The following DNAJC3 variants were observed in gnomAD, a reference collection of about 807,000 sequenced individuals.
DNAJC3 encodes the protein DnaJ heat shock protein family (Hsp40) member C3.
Under a neutral mutation model 68.6 loss-of-function variants are expected in DNAJC3, and 38 were observed. That is an observed-to-expected ratio of 0.55 (90% CI 0.43 to 0.73). The LOEUF is 0.73. Ranked by LOEUF, DNAJC3 falls within the 30% of genes least tolerant of loss-of-function variation. The pLI is 0.00. For missense variants in DNAJC3, 526 were observed against 591.9 expected, an observed-to-expected ratio of 0.89 and a Z score of 1.16; for synonymous variants, 203 against 204.0, an observed-to-expected ratio of 1.00 and a Z score of 0.04.
At chr13:95,698,730 G>A (rs538821693) in intron 1 of DNAJC3, among the ~76,000 whole-genome samples, 1 of 152,308 alleles carries the variant, frequency 6.6e-6, no homozygotes, top group Non-Finnish European at 1.5e-5. Flanking sequence ...TTCTCTGGTG[G>A]GCAAGTGTGG....
chr13:95,686,669 GATCA>G, intron 1 of DNAJC3, among the ~76,000 whole-genome samples: 1 of 152,302 alleles, frequency 6.6e-6, no homozygotes, highest in Admixed American at 6.5e-5. Flanking sequence ...CTTTGTCAAA[GATCA>G]ATCTGTTGGA....
Position 95,723,275 on chromosome 13 carries a change from G to T in DNAJC3, c.227G>T (p.Arg76Leu). 1 of 1,609,520 alleles carries T rather than the reference G, an allele frequency of 6.2e-7. No homozygotes were observed. Among genetic ancestry groups the T allele is most frequent in the Non-Finnish European group, 8.5e-7 (1 of 1,176,762 alleles). The change falls in exon 3 of 12, where the codon CGG (arginine) becomes CTG (leucine). Residue 76 changes from arginine to leucine, a missense_variant. By Grantham distance (102) the Arg-to-Leu change is moderately radical. Coordinates refer to ENST00000602402, the MANE Select transcript of DNAJC3 (RefSeq NM_006260.5). ...CCTGATAACTATATTGCTTATTATC[G>T]GAGGGCTACTGTCTTTTTAGCTATG... The part of the protein sequence containing the change: ...GDPDNYIAYY[R>L]RATVFLAMGK...
intron 1 of DNAJC3, among the ~76,000 whole-genome samples, chr13:95,688,490 G>A (rs1334522174): frequency 6.7e-6 from 1 of 150,266 alleles, no homozygotes; most frequent in Non-Finnish European, 1.5e-5. Flanking sequence ...ATACAGGGGT[G>A]TTGGATTTCA....
intron 4 of DNAJC3, among the ~76,000 whole-genome samples, chr13:95,740,162 A>C (rs368936179): frequency 2.0e-5 from 3 of 152,106 alleles, no homozygotes; most frequent in African/African-American, 7.2e-5. Context: ...GAGGCAGTCT[A>C]CCCGTTCTCA....
At chr13:95,709,188 C>A (rs760326061) in intron 1 of DNAJC3, 39 bp from the exon 2 acceptor site, 3 of 1,372,378 alleles carry the variant, frequency 2.2e-6, no homozygotes, top group Admixed American at 4.8e-5. Context: ...AATCTTAGTT[C>A]GTGGAAAGTT....
Position 95,702,490 on chromosome 13 carries a change from A to T in DNAJC3, c.83-6737A>T, listed in dbSNP as rs907405387. Among the ~76,000 whole-genome samples, 7 of 152,192 alleles carry T rather than the reference A, an allele frequency of 4.6e-5. No individual in the cohort carries two copies. In the South Asian group the frequency reaches 1.2e-3, roughly 27 times the overall value. On this transcript the variant is annotated intron_variant, in intron 1 of 11. Transcript: ENST00000602402. ...GCCCCCAATTCATATGTTGAAACCT[A>T]ATCTGATGTGACAGTATTAAGAGGC... is the stretch of plus-strand genomic sequence containing the variant.
intron 4 of DNAJC3, among the ~76,000 whole-genome samples, chr13:95,739,647 T>C (rs1882056706): frequency 6.6e-6 from 1 of 152,140 alleles, no homozygotes; most frequent in African/African-American, 2.4e-5. Flanking sequence ...TCTTGAGCCT[T>C]GGTTTTCAGC....
At chr13:95,767,158 A>G (rs1883015033) in intron 9 of DNAJC3, among the ~76,000 whole-genome samples, 1 of 152,176 alleles carries the variant, frequency 6.6e-6, no homozygotes, top group Admixed American at 6.5e-5. Flanking sequence ...TGATCTCTGT[A>G]TCCCTTAAAC....
At chr13:95,768,251 C>G (rs990647171) in intron 9 of DNAJC3, among the ~76,000 whole-genome samples, 1 of 152,126 alleles carries the variant, frequency 6.6e-6, no homozygotes, top group African/African-American at 2.4e-5. Context: ...GTACTTATCT[C>G]CTAGAATTGT....
At chr13:95,714,143 T>C (rs1031466387) in intron 2 of DNAJC3, among the ~76,000 whole-genome samples, 3 of 152,326 alleles carry the variant, frequency 2.0e-5, no homozygotes, top group Admixed American at 6.5e-5. Context: ...GTGACATTGG[T>C]CCAGTTATGT....
At chr13:95,763,515 C>T (rs112575925) in intron 7 of DNAJC3, 128 bp from the exon 8 acceptor site, 4 of 795,606 alleles carry the variant, frequency 5.0e-6, no homozygotes, top group East Asian at 2.7e-5. Flanking sequence ...AGGGAAAAGC[C>T]GAATCTGAAG....
At chr13:95,760,964 G>A (rs1485174748) in intron 7 of DNAJC3, among the ~76,000 whole-genome samples, 166 bp downstream of exon 7, 1 of 152,070 alleles carries the variant, frequency 6.6e-6, no homozygotes, top group Non-Finnish European at 1.5e-5. Context: ...TTTGGAATAG[G>A]GAAGAATATA....
intron 9 of DNAJC3, among the ~76,000 whole-genome samples, chr13:95,780,371 T>C (rs961805390): frequency 6.6e-6 from 1 of 152,196 alleles, no homozygotes; most frequent in Non-Finnish European, 1.5e-5. Context: ...CCCTCTGCTT[T>C]ATCTCCACTA....
intron 4 of DNAJC3, among the ~76,000 whole-genome samples, chr13:95,750,040 A>T (rs1882424844): frequency 6.6e-6 from 1 of 151,998 alleles, no homozygotes; most frequent in South Asian, 2.1e-4. Flanking sequence ...GCTGTGACTC[A>T]GATAGCTGTT....
chr13:95,702,478 A>G (rs565757081), intron 1 of DNAJC3, among the ~76,000 whole-genome samples: 2 of 152,324 alleles, frequency 1.3e-5, no homozygotes, highest in Non-Finnish European at 2.9e-5. Context: ...CCCAATTCAT[A>G]TGTTGAAACC....
At chr13:95,684,642 G>T (rs1880023033) in intron 1 of DNAJC3, among the ~76,000 whole-genome samples, 1 of 152,160 alleles carries the variant, frequency 6.6e-6, no homozygotes, top group Non-Finnish European at 1.5e-5. Context: ...GGGCTCCAAG[G>T]CATCTCAGCG....
chr13:95,708,877 A>G (rs1880856583), intron 1 of DNAJC3, among the ~76,000 whole-genome samples: 1 of 152,178 alleles, frequency 6.6e-6, no homozygotes, highest in Non-Finnish European at 1.5e-5. Context: ...AAATATTGTA[A>G]CAGTCTCTAT....
In DNAJC3 at chr13:95,791,362, T is replaced by C; in HGVS notation, c.*332T>C. The C allele has an allele frequency of 3.2e-6, 1 of 315,906 alleles. No homozygotes were observed. The highest frequency in any genetic ancestry group is 5.9e-6 in the Non-Finnish European group (1 of 168,164). 19.6% of individuals were successfully genotyped at this position (315,906 alleles called of 1,614,324 possible). On this transcript the variant is annotated 3_prime_UTR_variant, in exon 12 of 12. Coordinates refer to ENST00000602402, the MANE Select transcript of DNAJC3 (RefSeq NM_006260.5). ...TACACTGGAGCTGAGATTCTTCTCT[T>C]CACAGCCTTGCAGAGTAAGTCAGTG...
chr13:95,691,088 C>T (rs1425654342), intron 1 of DNAJC3, among the ~76,000 whole-genome samples: 10 of 141,358 alleles, frequency 7.1e-5, no homozygotes, highest in Admixed American at 2.8e-4. Flanking sequence ...CCAGTAGGGG[C>T]GGCCGGGCAG....
Sources: allele counts gnomAD v4.1 joint callset (sites outside exome capture counted in the v4.1 genomes callset), GRCh38; gene constraint gnomAD v4.1.1; transcripts MANE v1.5; gene names NCBI Gene and HGNC (gene_info 2026-07-23, HGNC 2026-07-21).